The following USP20 variants were observed in gnomAD, a reference collection of about 807,000 sequenced individuals.
USP20 encodes the protein ubiquitin carboxyl-terminal hydrolase 20.
Under a neutral mutation model 124.2 loss-of-function variants are expected in USP20, and 80 were observed. The observed-to-expected ratio is 0.64, with a 90% confidence interval of 0.54 to 0.78. USP20 has a LOEUF of 0.78. Ranked by LOEUF, USP20 falls within the 30% of genes least tolerant of loss-of-function variation. The pLI is 0.00. For missense variants in USP20, 1,043 were observed against 1,244.4 expected, an observed-to-expected ratio of 0.84 and a Z score of 2.44; for synonymous variants, 481 against 512.3, an observed-to-expected ratio of 0.94 and a Z score of 0.83.
chr9:129,858,004 A>G, intron 4 of USP20, 46 bp from the exon 5 acceptor site: 5 of 1,564,850 alleles, frequency 3.2e-6, no homozygotes, highest in Non-Finnish European at 4.4e-6. Context: ...TGTTGACACC[A>G]TCCTTTTGGC....
At position 129,878,458 on chromosome 9, in the gene USP20, C is replaced by G; in HGVS notation, c.2512+18C>G. On this transcript the variant is annotated intron_variant, in intron 23 of 25. Coordinates refer to ENST00000372429, the MANE Select transcript of USP20 (RefSeq NM_001110303.4). ...GGACAACGGTGAGCTGAGGGGGGAC[C>G]TGGCACTTACCTGCCCTGGGGGCCT... 1 of 1,579,454 alleles carries G rather than the reference C, an allele frequency of 6.3e-7. No individual in the cohort carries two copies. The highest frequency in any genetic ancestry group is 8.6e-7 in the Non-Finnish European group (1 of 1,159,764).
chr9:129,877,186 G>A (rs760864540), intron 22 of USP20, among the ~76,000 whole-genome samples: 11 of 152,214 alleles, frequency 7.2e-5, no homozygotes, highest in Admixed American at 2.0e-4. Context: ...GGCCTGGTGA[G>A]AGACACTGAG....
intron 3 of USP20, among the ~76,000 whole-genome samples, chr9:129,856,046 A>G (rs574812728): frequency 4.6e-5 from 7 of 152,268 alleles, no homozygotes; most frequent in Non-Finnish European, 8.8e-5. Context: ...GGTTATAGAC[A>G]CTAAAATCAT....
intron 1 of USP20, among the ~76,000 whole-genome samples, chr9:129,842,199 A>G (rs146963381): frequency 7.0e-4 from 107 of 152,302 alleles, no homozygotes; most frequent in East Asian, 6.0e-3. Flanking sequence ...CGATTTATCT[A>G]AAGTCACAGA....
In USP20 at chr9:129,861,536, T is replaced by C. The variant is rs758191849; in HGVS notation, c.428-7T>C. ...ACCTGCTCCTCCCCGTTGTGTTTAT[T>C]TCCCAGGCCTCACGGGCATGAAGAA... On this transcript the variant is annotated splice_region_variant and splice_polypyrimidine_tract_variant and intron_variant, in intron 7 of 25. Transcript: ENST00000372429. The C allele has an allele frequency of 3.5e-5, 57 of 1,613,998 alleles. No homozygotes were observed. The highest frequency in any genetic ancestry group is 4.5e-5 in the Non-Finnish European group (53 of 1,180,002).
rs3824538 is a variant in USP20 at position 129,879,356 on chromosome 9, A to G, written c.2513-217A>G. ...GCCATCCACCGCAGCTCCTGCGGCC[A>G]GCACAGAGTCTGAGACCATCTCGTG... is the stretch of plus-strand genomic sequence containing the variant. On this transcript the variant is annotated intron_variant, in intron 23 of 25. Coordinates refer to ENST00000372429, the MANE Select transcript of USP20 (RefSeq NM_001110303.4). This position sits in a 1 kb window ranked among gnomAD's most constrained non-coding sequence, Gnocchi z 4.2. 1.8e-6 allele frequency: 1 copy of G among 552,808 alleles called. No individual in the cohort carries two copies. 34.2% of individuals were successfully genotyped at this position (552,808 alleles called of 1,614,324 possible).
At chr9:129,874,515 A>C in intron 17 of USP20, 61 bp from the exon 18 acceptor site, 1 of 1,593,580 alleles carries the variant, frequency 6.3e-7, no homozygotes, top group Non-Finnish European at 8.6e-7. Context: ...GCCCGTGGGC[A>C]AGGCTGCGAG....
chr9:129,848,542 A>T (rs1214349622), intron 1 of USP20, among the ~76,000 whole-genome samples: 2 of 151,842 alleles, frequency 1.3e-5, no homozygotes, highest in Non-Finnish European at 2.9e-5. Flanking sequence ...AATCCCAGCA[A>T]CTCAGGAGGC....
intron 1 of USP20, among the ~76,000 whole-genome samples, chr9:129,847,299 CTTTTT>C (rs35098457): frequency 1.5e-5 from 2 of 130,864 alleles, no homozygotes; most frequent in South Asian, 2.5e-4. Flanking sequence ...ACAGCCAACA[CTTTTT>C]TTTTTTTTTT....
intron 9 of USP20, among the ~76,000 whole-genome samples, chr9:129,864,649 C>G (rs1017022416): frequency 1.3e-5 from 2 of 151,756 alleles, no homozygotes; most frequent in African/African-American, 4.8e-5. Context: ...TGGCGCGCAC[C>G]TGTATTCCCA....
At chr9:129,861,744 T>C (rs10115279) in intron 8 of USP20, 132 bp downstream of exon 8, 658,712 of 728,902 alleles carry the variant, frequency 0.9, 298,717 homozygotes, top group East Asian at 1. Flanking sequence ...TGAAAGCATG[T>C]ATACCCTTTG....
rs566977828 is a variant in USP20, at chr9:129,863,974, C to T, written c.611+675C>T. Among the ~76,000 whole-genome samples the T allele has an allele frequency of 3.0e-4, 45 of 151,946 alleles. No individual in the cohort carries two copies. The South Asian group carries it at 8.3e-3, about 28-fold the overall frequency. On this transcript the variant is annotated intron_variant, in intron 9 of 25. Coordinates refer to ENST00000372429, the MANE Select transcript of USP20 (RefSeq NM_001110303.4). ...TACAAAAATTAGCTGGGTGTGGTGGCGTGTGCCTGTAGTCCCAGCTACTCG... is the reference window on the plus strand; with the variant it reads ...TACAAAAATTAGCTGGGTGTGGTGGTGTGTGCCTGTAGTCCCAGCTACTCG...
At chr9:129,863,653 T>C (rs1410634116) in intron 9 of USP20, among the ~76,000 whole-genome samples, 1 of 145,480 alleles carries the variant, frequency 6.9e-6, no homozygotes, top group African/African-American at 2.6e-5. Context: ...GAAGGAGGTG[T>C]GGGGCAGGGG....
chr9:129,861,380 G>A (rs920730892), intron 7 of USP20, among the ~76,000 whole-genome samples, 163 bp from the exon 8 acceptor site: 5 of 152,166 alleles, frequency 3.3e-5, no homozygotes, highest in Admixed American at 2.0e-4. Flanking sequence ...CAGGAACCAC[G>A]TTAGTTTACT....
intron 8 of USP20, among the ~76,000 whole-genome samples, chr9:129,862,774 C>T (rs1257287115): frequency 6.6e-6 from 1 of 151,270 alleles, no homozygotes; most frequent in Non-Finnish European, 1.5e-5. Context: ...GGCATTGTGG[C>T]ATGTGCCTGT....
intron 1 of USP20, among the ~76,000 whole-genome samples, chr9:129,845,956 GCT>G (rs1365908877): frequency 6.6e-6 from 1 of 151,672 alleles, no homozygotes; most frequent in Non-Finnish European, 1.5e-5. Context: ...ACAGAGTCTC[GCT>G]CTGTCGCCCA....
chr9:129,879,727 C>A lies in USP20; in HGVS notation c.2584+83C>A. 2 of 1,491,220 alleles carry A rather than the reference C, an allele frequency of 1.3e-6. No homozygotes were observed. The highest frequency in any genetic ancestry group is 1.1e-5 in the South Asian group (1 of 87,440). 92.4% of individuals were successfully genotyped at this position (1,491,220 alleles called of 1,614,324 possible). ...CTGCCCAGTCCCGTCCTTCCAGGAG[C>A]CCCCTTACCACCTGTCTTAGAGTCA... is the stretch of plus-strand genomic sequence containing the variant. On this transcript the variant is annotated intron_variant, in intron 24 of 25. Coordinates refer to ENST00000372429, the MANE Select transcript of USP20 (RefSeq NM_001110303.4). This position sits in a 1 kb window ranked among gnomAD's most constrained non-coding sequence, Gnocchi z 4.2.
Position 129,868,902 on chromosome 9 carries a change from C to T in USP20, c.1176C>T (p.Pro392=), listed in dbSNP as rs1450990225. The stretch of plus-strand genomic sequence containing the variant: ...CTCACCTACGCAGCTCCTCTCGCCC[C>T]TGCAGCCCCGTCCACCACCACGAGG... ...NDAHLRSSSR[P]CSPVHHHEGH... is the part of the protein sequence containing the mutation. The change falls in exon 12 of 26, where the codon CCC becomes CCT. Residue 392 remains proline (P), a synonymous_variant. Transcript: ENST00000372429. 1.2e-6 allele frequency: 2 copies of T among 1,609,678 alleles called. No individual in the cohort carries two copies. Among genetic ancestry groups the T allele is most frequent in the African/African-American group, 1.3e-5 (1 of 74,966 alleles).
chr9:129,841,839 C>T (rs1038731716), intron 1 of USP20, among the ~76,000 whole-genome samples: 9 of 152,124 alleles, frequency 5.9e-5, no homozygotes, highest in Admixed American at 2.6e-4. Flanking sequence ...GAGTCCCCTG[C>T]GGTGTGTCTG....
Sources: gnomAD v4.1 joint callset for allele counts (sites outside exome capture counted in the v4.1 genomes callset) on GRCh38, gnomAD v4.1.1 for gene constraint, Gnocchi (gnomAD v3.1) non-coding constraint, MANE v1.5 for transcripts, NCBI Gene and HGNC (gene_info 2026-07-23, HGNC 2026-07-21) for gene names.